The following DSCAML1 variants were observed in gnomAD, a reference collection of about 807,000 sequenced individuals.
DSCAML1 encodes cell adhesion molecule DSCAML1.
In DSCAML1, 38 loss-of-function variants were observed where a neutral mutation model predicts 200.5. The ratio of observed to expected loss-of-function variants is 0.19; its 90% CI spans 0.15 to 0.25. DSCAML1 has a LOEUF of 0.25. DSCAML1 is among the 10% of genes least tolerant of loss of function. The pLI, the probability that DSCAML1 is intolerant of heterozygous loss-of-function variation, is 1.00. For missense variants in DSCAML1, 2,223 were observed against 2,858.8 expected, an observed-to-expected ratio of 0.78 and a Z score of 5.07; for synonymous variants, 1,215 against 1,165.0, an observed-to-expected ratio of 1.04 and a Z score of -0.87.
intron 3 of DSCAML1, among the ~76,000 whole-genome samples, chr11:117,653,948 C>A (rs912002063): frequency 6.6e-6 from 1 of 152,256 alleles, no homozygotes; most frequent in East Asian, 1.9e-4. Context: ...ATCACTTGAG[C>A]CCACGAGTTT....
At chr11:117,444,725 T>C (rs12224931) in intron 20 of DSCAML1, among the ~76,000 whole-genome samples, 1 of 152,294 alleles carries the variant, frequency 6.6e-6, no homozygotes, top group East Asian at 1.9e-4. Flanking sequence ...CGGATCCCAG[T>C]GGTTTTACCA....
chr11:117,453,769 G>A (rs1278995462), intron 19 of DSCAML1, among the ~76,000 whole-genome samples: 2 of 138,472 alleles, frequency 1.4e-5, no homozygotes, highest in Admixed American at 7.5e-5. Flanking sequence ...TTTTGAGATA[G>A]AGTCTCGCTC....
At chr11:117,733,076 C>G (rs914864090) in intron 3 of DSCAML1, among the ~76,000 whole-genome samples, 1 of 152,002 alleles carries the variant, frequency 6.6e-6, no homozygotes, top group East Asian at 1.9e-4. Flanking sequence ...GGTGAACTGG[C>G]AGGAGAGGAG....
intron 3 of DSCAML1, among the ~76,000 whole-genome samples, chr11:117,544,008 G>A (rs1009908128): frequency 1.3e-5 from 2 of 152,102 alleles, no homozygotes; most frequent in Admixed American, 1.3e-4. Context: ...TGCAAGGAAG[G>A]TCCCAGTAGG....
At chr11:117,806,091 A>G (rs2055705194) in intron 1 of DSCAML1, among the ~76,000 whole-genome samples, 1 of 152,228 alleles carries the variant, frequency 6.6e-6, no homozygotes, top group South Asian at 2.1e-4. Flanking sequence ...CTCCATCCTC[A>G]GTACCCAAGG....
intron 3 of DSCAML1, among the ~76,000 whole-genome samples, chr11:117,651,336 G>A (rs2052627697): frequency 6.6e-6 from 1 of 152,220 alleles, no homozygotes; most frequent in African/African-American, 2.4e-5. Flanking sequence ...ACTCCAACAG[G>A]CTGTGCTCCA....
At chr11:117,679,798 G>T (rs1342848328) in intron 3 of DSCAML1, among the ~76,000 whole-genome samples, 1 of 152,184 alleles carries the variant, frequency 6.6e-6, no homozygotes, top group African/African-American at 2.4e-5. Flanking sequence ...ACTAAGCTTA[G>T]CAAACTTTTC....
chr11:117,472,961 G>A (rs552555659), intron 14 of DSCAML1, among the ~76,000 whole-genome samples: 2 of 152,094 alleles, frequency 1.3e-5, no homozygotes, highest in East Asian at 3.9e-4. Context: ...ACCTTACTTG[G>A]AAAAGAAAAA....
intron 3 of DSCAML1, among the ~76,000 whole-genome samples, chr11:117,730,335 C>T (rs2137815892): frequency 6.6e-6 from 1 of 152,264 alleles, no homozygotes; most frequent in Middle Eastern, 3.4e-3. Context: ...GTAGCTTCTC[C>T]AAGTTGGAAA....
intron 3 of DSCAML1, among the ~76,000 whole-genome samples, chr11:117,675,530 T>A (rs747098717): frequency 3.5e-4 from 52 of 147,796 alleles, no homozygotes; most frequent in Admixed American, 1.3e-3. Context: ...TTTCCCAGGT[T>A]GATCTTAAAC....
intron 3 of DSCAML1, among the ~76,000 whole-genome samples, chr11:117,762,965 T>G (rs2054831657): frequency 1.3e-5 from 2 of 152,108 alleles, no homozygotes; most frequent in Non-Finnish European, 2.9e-5. Context: ...TATTATTTTA[T>G]AAAAAGTGAG....
At chr11:117,815,281 G>A (rs1023842413) in intron 1 of DSCAML1, among the ~76,000 whole-genome samples, 16 of 152,350 alleles carry the variant, frequency 1.1e-4, no homozygotes, top group African/African-American at 3.6e-4. Context: ...TGACGTGTGA[G>A]CTGAAGCTTG....
rs996429947 is a variant in DSCAML1, at chr11:117,690,421, C to T, written c.511+86370G>A. On this transcript the variant is annotated intron_variant, in intron 3 of 32. Coordinates refer to ENST00000651296, the MANE Select transcript of DSCAML1 (RefSeq NM_020693.4). Reference sequence around the variant, plus strand: ...CAGACCTCCCAAGGGATGGAGGCACCCACGGGTCTCCAAGCTGCCCTCACG... The same window carrying T: ...CAGACCTCCCAAGGGATGGAGGCACTCACGGGTCTCCAAGCTGCCCTCACG... 2.0e-5 allele frequency among the ~76,000 whole-genome samples: 3 copies of T among 152,364 alleles called. No individual in the cohort carries two copies. In the South Asian group the frequency reaches 6.2e-4, roughly 32 times the overall value.
intron 3 of DSCAML1, among the ~76,000 whole-genome samples, chr11:117,693,673 T>G (rs772073317): frequency 3.3e-5 from 5 of 152,118 alleles, no homozygotes; most frequent in Non-Finnish European, 4.4e-5. Flanking sequence ...AGCTGCATTT[T>G]AAAAAAAGAA....
At chr11:117,808,090 G>C (rs1490551118) in intron 1 of DSCAML1, among the ~76,000 whole-genome samples, 2 of 152,188 alleles carry the variant, frequency 1.3e-5, no homozygotes, top group African/African-American at 4.8e-5. Context: ...AAAGTGGTGC[G>C]ATTACAGGCG....
intron 3 of DSCAML1, among the ~76,000 whole-genome samples, chr11:117,607,269 T>C (rs957586725): frequency 3.3e-5 from 5 of 152,146 alleles, no homozygotes; most frequent in Non-Finnish European, 7.3e-5. Flanking sequence ...CTGGACATGC[T>C]TGACAGGAAG....
At chr11:117,695,396 A>G (rs1400165850) in intron 3 of DSCAML1, among the ~76,000 whole-genome samples, 1 of 148,952 alleles carries the variant, frequency 6.7e-6, no homozygotes, top group African/African-American at 2.5e-5. Flanking sequence ...ATTTCAAGAC[A>G]TGCTGAGCAT....
rs2049145709 is a variant in DSCAML1, at chr11:117,489,530, CCTT to C, written c.2360-7371_2360-7369del. 6.6e-6 allele frequency among the ~76,000 whole-genome samples: 1 copy of C among 152,168 alleles called. No homozygotes were observed. The highest frequency in any genetic ancestry group is 1.5e-5 in the Non-Finnish European group (1 of 68,020). On this transcript the variant is annotated intron_variant, in intron 11 of 32. Transcript: ENST00000651296. The surrounding 1 kb of genome is among the most constrained non-coding windows in gnomAD (Gnocchi z 4.8). ...CTAGGCACAGTGGTGTGGGTGAGCT[CCTT>C]CTCAATACACAGCTCCTTCCTATAC... is the stretch of plus-strand genomic sequence containing the variant.
intron 3 of DSCAML1, among the ~76,000 whole-genome samples, chr11:117,733,950 G>A (rs1285341565): frequency 6.6e-6 from 1 of 150,970 alleles, no homozygotes; most frequent in Non-Finnish European, 1.5e-5. Context: ...ATGCATGAAA[G>A]CAGGCATATT....
Sources: gnomAD v4.1 joint callset for allele counts (sites outside exome capture counted in the v4.1 genomes callset) on GRCh38, gnomAD v4.1.1 for gene constraint, Gnocchi (gnomAD v3.1) non-coding constraint, MANE v1.5 for transcripts, NCBI Gene and HGNC (gene_info 2026-07-23, HGNC 2026-07-21) for gene names.